GLYAT: variants seen among roughly 807,000 people sequenced by gnomAD.
GLYAT encodes the protein glycine-N-acyltransferase, also known as glycine N-acyltransferase.
A neutral mutation model predicts 22.8 loss-of-function variants in GLYAT; 25 were observed. That is an observed-to-expected ratio of 1.09 (90% CI 0.80 to 1.53). The LOEUF (loss-of-function observed/expected upper bound fraction) is 1.53, where lower values mean the gene tolerates loss of function less well. GLYAT is among the 40% of genes most tolerant of loss of function. The probability of loss-of-function intolerance (pLI) is 0.00; values close to 1 mark genes in which losing one functional copy is unlikely to be tolerated. For synonymous variants in GLYAT, 140 were observed against 122.7 expected (o/e 1.14, Z -0.93); for missense variants, 411 against 353.9 (o/e 1.16, Z -1.29).
rs2134476692 is a variant in GLYAT, at chr11:58,709,681, A to G, written c.*85T>C. ...GCCCACTCCTTTACTGCTGATTACA[A>G]TTTATTATTTCTTTTCATCCACCAT... On this transcript the variant is annotated 3_prime_UTR_variant, in exon 6 of 6. Transcript: ENST00000344743. The G allele has an allele frequency of 2.8e-6, 4 of 1,418,546 alleles. No individual in the cohort carries two copies. Among genetic ancestry groups the G allele is most frequent in the East Asian group, 2.3e-5 (1 of 43,662 alleles). The allele number at this position is 1,418,546 out of a possible 1,614,324, so 87.9% of individuals were successfully genotyped here.
chr11:58,709,816 G>T lies in GLYAT; in HGVS notation c.841C>A (p.His281Asn). 1 of 1,613,712 alleles carries T rather than the reference G, an allele frequency of 6.2e-7. No individual in the cohort carries two copies. Among genetic ancestry groups the T allele is most frequent in the Non-Finnish European group, 8.5e-7 (1 of 1,179,612 alleles). The change falls in exon 6 of 6, where the codon CAT (histidine) becomes AAT (asparagine). Residue 281 changes from histidine (H) to asparagine (N), a missense_variant. His to Asn is a moderately conservative substitution (Grantham distance 68). Transcript: ENST00000344743. The part of the protein sequence containing the change: ...AMQKMSYTLQ[H>N]VPIPRSWNQW... ...TTCCAGCTTCTGGGAATGGGAACAT[G>T]TTGCAGTGTGTAACTCATTTTTTGC...
In GLYAT at chr11:58,721,262, A is replaced by T. The variant is rs369837158; in HGVS notation, c.81+3154T>A. Among the ~76,000 whole-genome samples the T allele has an allele frequency of 4.9e-4, 75 of 152,160 alleles. No homozygotes were observed. In the South Asian group the frequency reaches 0.015, roughly 30 times the overall value. ...CACATTAAAGGAAACAACTCAGGTGAAAATCAAATAGTAAAATTTACAACA... is the reference window on the plus strand; with the variant it reads ...CACATTAAAGGAAACAACTCAGGTGTAAATCAAATAGTAAAATTTACAACA... On this transcript the variant is annotated intron_variant, in intron 2 of 5. Transcript: ENST00000344743.
At chr11:58,725,625 A>G (rs1192469492) in intron 1 of GLYAT, among the ~76,000 whole-genome samples, 1 of 152,190 alleles carries the variant, frequency 6.6e-6, no homozygotes, top group Non-Finnish European at 1.5e-5. Flanking sequence ...GGCAGAAGGC[A>G]GAAGGAGAGA....
rs775734737 is a variant in GLYAT, at chr11:58,709,780, A to T, written c.877T>A (p.Cys293Ser). Residue 293 changes from cysteine (C) to serine (S), a missense_variant, in exon 6 of 6, where the codon TGT becomes AGT. Physicochemically the swap from Cys to Ser is moderately radical, Grantham distance 112 (BLOSUM62 -1). Transcript: ENST00000344743. ...PIPRSWNQWN[C>S]VPL ...CAGGATTGGCATCACAGAGGTACAC[A>T]GTTCCACTGGTTCCAGCTTCTGGGA... 1.9e-5 allele frequency: 31 copies of T among 1,610,972 alleles called. No individual in the cohort carries two copies. Among genetic ancestry groups the T allele is most frequent in the Admixed American group, 1.0e-4 (6 of 59,876 alleles).
intron 2 of GLYAT, among the ~76,000 whole-genome samples, chr11:58,719,175 T>A (rs1856719385): frequency 6.6e-6 from 1 of 151,956 alleles, no homozygotes; most frequent in African/African-American, 2.4e-5. Context: ...CAAAATAGGA[T>A]TATAGGTCAT....
At chr11:58,717,283 T>A (rs1856693230) in intron 2 of GLYAT, among the ~76,000 whole-genome samples, 2 of 152,088 alleles carry the variant, frequency 1.3e-5, no homozygotes, top group Non-Finnish European at 2.9e-5. Context: ...CAAAATCTCA[T>A]TTTTAGCATG....
intron 1 of GLYAT, among the ~76,000 whole-genome samples, chr11:58,731,341 A>G (rs906995284): frequency 1.2e-4 from 19 of 152,240 alleles, no homozygotes; most frequent in Non-Finnish European, 2.9e-5. Flanking sequence ...TTCTTTATTC[A>G]TTTATTAGTC....
At chr11:58,724,600 GT>G (rs10535978) in intron 1 of GLYAT, 89 bp from the exon 2 acceptor site, 137,082 of 425,152 alleles carry the variant, frequency 0.32, 9,592 homozygotes, top group Middle Eastern at 0.43. Context: ...TAATGACCAG[GT>G]TTTTTTTTTT....
At chr11:58,725,664 T>C (rs1434401685) in intron 1 of GLYAT, among the ~76,000 whole-genome samples, 2 of 152,088 alleles carry the variant, frequency 1.3e-5, no homozygotes, top group African/African-American at 4.8e-5. Context: ...TAGCAGTAAA[T>C]GTTTGTTAAA....
At chr11:58,720,229 T>G in intron 2 of GLYAT, among the ~76,000 whole-genome samples, 1 of 152,126 alleles carries the variant, frequency 6.6e-6, no homozygotes, top group East Asian at 1.9e-4. Flanking sequence ...CAAGAATATT[T>G]TCCTACAATA....
At chr11:58,721,847 G>T (rs1458235978) in intron 2 of GLYAT, among the ~76,000 whole-genome samples, 1 of 151,648 alleles carries the variant, frequency 6.6e-6, no homozygotes, top group Non-Finnish European at 1.5e-5. Context: ...CACATCAGAG[G>T]TCTTGTTCCT....
chr11:58,720,938 T>C (rs999900103), intron 2 of GLYAT, among the ~76,000 whole-genome samples: 3 of 152,048 alleles, frequency 2.0e-5, no homozygotes, highest in African/African-American at 7.2e-5. Context: ...AAAGATTTTA[T>C]TTAAGTTACA....
chr11:58,718,718 G>T (rs1323618048), intron 2 of GLYAT, among the ~76,000 whole-genome samples: 1 of 150,928 alleles, frequency 6.6e-6, no homozygotes, highest in African/African-American at 2.4e-5. Flanking sequence ...ACATTTAAGA[G>T]CACCTGTTGG....
At chr11:58,712,679 G>T in intron 4 of GLYAT, 81 bp downstream of exon 4, 3 of 1,187,612 alleles carry the variant, frequency 2.5e-6, no homozygotes, top group Non-Finnish European at 2.5e-6. Flanking sequence ...TCTGGAGCTT[G>T]GAGGAAGGAG....
At chr11:58,712,954 T>A in intron 3 of GLYAT, 68 bp from the exon 4 acceptor site, 1 of 1,016,220 alleles carries the variant, frequency 9.8e-7, no homozygotes, top group Non-Finnish European at 1.4e-6. Context: ...AATTTTATAC[T>A]GTGATATTTC....
At position 58,712,605 on chromosome 11, in the gene GLYAT, G is replaced by A. The variant is rs115534061; in HGVS notation, c.316+155C>T. ...CTTTGCAAATTTTAGGGTTTCCCAC[G>A]CTGTCCACCACCTTTTACAGATATA... On this transcript the variant is annotated intron_variant, in intron 4 of 5. Transcript: ENST00000344743. Among the ~76,000 whole-genome samples, 727 of 152,144 alleles carry A rather than the reference G, an allele frequency of 4.8e-3. 6 individuals carry two copies. The highest frequency in any genetic ancestry group is 0.02 in the Middle Eastern group (6 of 294).
intron 3 of GLYAT, 49 bp from the exon 4 acceptor site, chr11:58,712,935 A>G (rs756432624): frequency 8.2e-7 from 1 of 1,222,724 alleles, no homozygotes; most frequent in Non-Finnish European, 1.2e-6. Flanking sequence ...ATATTTTATG[A>G]TTACATATAA....
At chr11:58,730,095 TC>T (rs937438850) in intron 1 of GLYAT, among the ~76,000 whole-genome samples, 1 of 152,108 alleles carries the variant, frequency 6.6e-6, no homozygotes, top group African/African-American at 2.4e-5. Flanking sequence ...TGAGTAGCAT[TC>T]CCGGGCATAA....
Position 58,710,609 on chromosome 11 carries a change from C to A in GLYAT, c.469G>T (p.Gly157Cys). 2 of 1,605,544 alleles carry A rather than the reference C, an allele frequency of 1.2e-6. No individual in the cohort carries two copies. Among genetic ancestry groups the A allele is most frequent in the Non-Finnish European group, 1.7e-6 (2 of 1,172,108 alleles). The change falls in exon 5 of 6, where the codon GGT becomes TGT. Residue 157 changes from glycine (G) to cysteine (C), a missense_variant. Transcript: ENST00000344743. The part of the protein sequence containing the change: ...LLKSKILSPN[G>C]GKPKAINQEM... ...ACTCACATGGCCTTGGGTTTGCCACCATTGGGAGATAAAATCTTTGATTTC... is the reference window on the plus strand; with the variant it reads ...ACTCACATGGCCTTGGGTTTGCCACAATTGGGAGATAAAATCTTTGATTTC...
Sources: gnomAD v4.1 joint callset for allele counts (sites outside exome capture counted in the v4.1 genomes callset) on GRCh38, gnomAD v4.1.1 for gene constraint, MANE v1.5 for transcripts, NCBI Gene and HGNC (gene_info 2026-07-23, HGNC 2026-07-21) for gene names.